Variants in PHC2 observed in about 807,000 individuals in gnomAD.
PHC2 encodes the protein polyhomeotic homolog 2, also known as polyhomeotic-like protein 2.
A neutral mutation model predicts 87.4 loss-of-function variants in PHC2; 29 were observed. The observed-to-expected ratio is 0.33, with a 90% CI of 0.25 to 0.45. The LOEUF is 0.45. PHC2 is among the 20% of genes least tolerant of loss of function. PHC2 has a pLI of 1.00. For missense variants in PHC2, 857 were observed against 1,136.7 expected (o/e 0.75, Z 3.54); for synonymous variants, 438 against 461.7 (o/e 0.95, Z 0.66).
At chr1:33,386,243 T>A (rs892256250) in intron 1 of PHC2, among the ~76,000 whole-genome samples, 1 of 151,204 alleles carries the variant, frequency 6.6e-6, no homozygotes, top group African/African-American at 2.4e-5. Flanking sequence ...CCTGGCTGAG[T>A]GCGGTGGCTT....
chr1:33,388,278 C>T (rs913257965), intron 1 of PHC2, among the ~76,000 whole-genome samples: 12 of 151,456 alleles, frequency 7.9e-5, no homozygotes, highest in Non-Finnish European at 1.8e-4. Context: ...CCTCCACAGG[C>T]CTTTGTTTCC....
intron 1 of PHC2, among the ~76,000 whole-genome samples, chr1:33,419,673 G>A (rs533078859): frequency 1.2e-4 from 19 of 152,062 alleles, no homozygotes; most frequent in Admixed American, 5.2e-4. Flanking sequence ...GCAGTGGCGC[G>A]ATCTCAGCTC....
chr1:33,340,081 C>T (rs1646714949), intron 9 of PHC2, among the ~76,000 whole-genome samples: 1 of 152,170 alleles, frequency 6.6e-6, no homozygotes, highest in Non-Finnish European at 1.5e-5. Flanking sequence ...TTTCCTTCTA[C>T]CCCCTCACCT....
intron 1 of PHC2, among the ~76,000 whole-genome samples, chr1:33,419,844 C>T (rs111907590): frequency 0.019 from 2,964 of 152,032 alleles, 90 homozygotes; most frequent in African/African-American, 0.066. Context: ...CTCCTGACCT[C>T]GTGATCCACC....
At chr1:33,426,473 G>A (rs949950999) in intron 1 of PHC2, among the ~76,000 whole-genome samples, 1 of 152,156 alleles carries the variant, frequency 6.6e-6, no homozygotes, top group African/African-American at 2.4e-5. Context: ...GAACAAATGG[G>A]TATACCTGAC....
At chr1:33,396,527 G>A (rs1320250619) in intron 1 of PHC2, among the ~76,000 whole-genome samples, 2 of 152,070 alleles carry the variant, frequency 1.3e-5, no homozygotes, top group Non-Finnish European at 2.9e-5. Context: ...CAGTTTCATC[G>A]ATCCCTATCT....
chr1:33,421,537 G>A (rs981812752), intron 1 of PHC2, among the ~76,000 whole-genome samples: 1 of 152,152 alleles, frequency 6.6e-6, no homozygotes, highest in Non-Finnish European at 1.5e-5. Context: ...GTACAGACAA[G>A]ATAAACCCAA....
chr1:33,396,108 G>T (rs1649282494), intron 1 of PHC2, among the ~76,000 whole-genome samples: 1 of 152,148 alleles, frequency 6.6e-6, no homozygotes, highest in African/African-American at 2.4e-5. Flanking sequence ...ACCTCAGTAG[G>T]TGTGACAGTA....
At chr1:33,337,418 C>T (rs371884410) in intron 9 of PHC2, among the ~76,000 whole-genome samples, 5 of 152,188 alleles carry the variant, frequency 3.3e-5, no homozygotes, top group African/African-American at 9.7e-5. Flanking sequence ...TCCTTAAACT[C>T]ACAGAGAACA....
Position 33,331,814 on chromosome 1 carries a change from C to G in PHC2, c.1892-352G>C, listed in dbSNP as rs1196920017. 4 of 293,546 alleles carry G rather than the reference C, an allele frequency of 1.4e-5. No individual in the cohort carries two copies. The highest frequency in any genetic ancestry group is 2.6e-5 in the Non-Finnish European group (4 of 155,848). 18.2% of individuals were successfully genotyped at this position (293,546 alleles called of 1,614,324 possible). On this transcript the variant is annotated intron_variant, in intron 11 of 14. Transcript: ENST00000683057. This position sits in a 1 kb window ranked among gnomAD's most constrained non-coding sequence, Gnocchi z 5.2. ...AGCTGCTCCGCTGGCATCATCACAC[C>G]TTGATCTATGCAGCTGGCTGCTGAC...
At chr1:33,413,435 A>C (rs955864361) in intron 1 of PHC2, among the ~76,000 whole-genome samples, 5 of 152,212 alleles carry the variant, frequency 3.3e-5, no homozygotes, top group African/African-American at 1.2e-4. Flanking sequence ...AGGCAGAGAG[A>C]AATGACAACA....
At chr1:33,399,992 A>G (rs1240294480) in intron 1 of PHC2, among the ~76,000 whole-genome samples, 1 of 152,170 alleles carries the variant, frequency 6.6e-6, no homozygotes, top group African/African-American at 2.4e-5. Context: ...TTAGTAGAAA[A>G]TAGGCAAAGG....
chr1:33,429,824 T>C (rs926918747), intron 1 of PHC2, among the ~76,000 whole-genome samples: 12 of 152,248 alleles, frequency 7.9e-5, no homozygotes, highest in African/African-American at 2.7e-4. Context: ...TTCTGGTACT[T>C]TTCAATTGTA....
chr1:33,429,779 T>C (rs535863260), intron 1 of PHC2, among the ~76,000 whole-genome samples: 1 of 152,380 alleles, frequency 6.6e-6, no homozygotes, highest in South Asian at 2.1e-4. Context: ...AACGTGGAAG[T>C]GGAATTTGCA....
chr1:33,393,097 TCAGGGA>T (rs1649140789), intron 1 of PHC2, among the ~76,000 whole-genome samples: 2 of 152,152 alleles, frequency 1.3e-5, no homozygotes, highest in African/African-American at 4.8e-5. Context: ...AGACAGACAC[TCAGGGA>T]GGCCATAAAC....
At chr1:33,354,038 C>G (rs920125815) in intron 9 of PHC2, among the ~76,000 whole-genome samples, 4 of 152,170 alleles carry the variant, frequency 2.6e-5, no homozygotes, top group Admixed American at 6.5e-5. Context: ...TTTCCAATAT[C>G]AAGAACCCCC....
intron 14 of PHC2, among the ~76,000 whole-genome samples, chr1:33,326,905 C>T (rs1312311770): frequency 6.6e-6 from 1 of 152,130 alleles, no homozygotes; most frequent in Non-Finnish European, 1.5e-5. Context: ...GCCGAGATCA[C>T]GCCATTGCAC....
intron 1 of PHC2, among the ~76,000 whole-genome samples, chr1:33,389,998 T>G (rs1464835569): frequency 6.6e-6 from 1 of 152,184 alleles, no homozygotes; most frequent in Non-Finnish European, 1.5e-5. Context: ...TATGCAGAAC[T>G]AGGACTACAG....
chr1:33,413,552 A>C (rs1028934589), intron 1 of PHC2, among the ~76,000 whole-genome samples: 1 of 152,232 alleles, frequency 6.6e-6, no homozygotes, highest in Non-Finnish European at 1.5e-5. Flanking sequence ...TCACAGAAAA[A>C]TCATTCAATG....
Sources: gnomAD v4.1 joint callset for allele counts (sites outside exome capture counted in the v4.1 genomes callset) on GRCh38, gnomAD v4.1.1 for gene constraint, Gnocchi (gnomAD v3.1) non-coding constraint, MANE v1.5 for transcripts, NCBI Gene and HGNC (gene_info 2026-07-23, HGNC 2026-07-21) for gene names.